C4orf50: variants seen among roughly 807,000 people sequenced by gnomAD.
C4orf50 encodes the protein uncharacterized protein C4orf50.
Under a neutral mutation model 77.2 loss-of-function variants are expected in C4orf50, and 80 were observed. That is an observed-to-expected ratio of 1.04 (90% CI 0.87 to 1.25). C4orf50 has a LOEUF of 1.25. C4orf50 is among the 50% of genes most tolerant of loss of function. The pLI is 0.00. For missense variants in C4orf50, 1,257 were observed against 1,152.9 expected (o/e 1.09, Z -1.31); for synonymous variants, 532 against 465.3 (o/e 1.14, Z -1.84).
At chr4:6,004,041 G>A (rs550169651) in intron 25 of C4orf50, among the ~76,000 whole-genome samples, 1,214 of 59,792 alleles carry the variant, frequency 0.02, 19 homozygotes, top group Admixed American at 0.09. Flanking sequence ...TAGTGATGAT[G>A]GTGATGGTGA....
downstream of C4orf50, among the ~76,000 whole-genome samples, chr4:5,952,848 T>TC (rs1718789795): frequency 6.6e-6 from 1 of 152,096 alleles, no homozygotes; most frequent in Non-Finnish European, 1.5e-5. The surrounding 1 kb of genome is among the most constrained non-coding windows in gnomAD (Gnocchi z 4.4). Context: ...CAAGAACGAC[T>TC]CGTTTTGGCA....
intron 7 of C4orf50, among the ~76,000 whole-genome samples, chr4:5,929,659 A>G (rs1178856111): frequency 2.0e-5 from 3 of 152,266 alleles, no homozygotes; most frequent in Admixed American, 2.0e-4. Flanking sequence ...TGAATGAAGG[A>G]TGCCCTGAGT....
chr4:5,961,752 T>A (rs1199820460), intron 33 of C4orf50, among the ~76,000 whole-genome samples: 4 of 152,124 alleles, frequency 2.6e-5, no homozygotes, highest in Non-Finnish European at 5.9e-5. Flanking sequence ...GGGCGAAACA[T>A]CTCCTCATTC....
downstream of C4orf50, among the ~76,000 whole-genome samples, chr4:5,955,904 G>A (rs745428012): frequency 8.5e-5 from 13 of 152,150 alleles, no homozygotes; most frequent in East Asian, 1.9e-4. This position sits in a 1 kb window ranked among gnomAD's most constrained non-coding sequence, Gnocchi z 5.1. Context: ...GGGGGCCCCA[G>A]GCACCCCCAA....
At chr4:6,016,474 A>G (rs1203298024) in intron 23 of C4orf50, among the ~76,000 whole-genome samples, 1 of 152,180 alleles carries the variant, frequency 6.6e-6, no homozygotes, top group Non-Finnish European at 1.5e-5. Flanking sequence ...GCTTAAACCC[A>G]GGAGGTGGGG....
chr4:5,965,985 C>T (rs1719541944), intron 32 of C4orf50, among the ~76,000 whole-genome samples: 3 of 152,212 alleles, frequency 2.0e-5, no homozygotes, highest in Admixed American at 1.3e-4. Context: ...CACGTTTTAT[C>T]GTGCACCTGA....
rs1721368881 is a variant in C4orf50, at chr4:5,992,864, G to A, written c.1160C>T (p.Ala387Val). ...CTCGCTTGTGGTCTCCGGGCCTGGA[G>A]CCAAAACAGAAGAGGCCCGTCCAGG... Residue 387 changes from alanine to valine, a missense_variant, in exon 27 of 34, where the codon GCT becomes GTT. Physicochemically the swap from Ala to Val is moderately conservative, Grantham distance 64 (BLOSUM62 0). Coordinates refer to ENST00000531445, the Ensembl canonical transcript of C4orf50. This position sits in a 1 kb window ranked among gnomAD's most constrained non-coding sequence, Gnocchi z 5.0. The A allele has an allele frequency of 1.0e-5, 4 of 399,122 alleles. No homozygotes were observed. In the South Asian group the frequency reaches 5.1e-4, roughly 51 times the overall value. 24.7% of individuals were successfully genotyped at this position (399,122 alleles called of 1,614,324 possible). A position where few individuals can be genotyped will look rare whatever the true frequency, so the allele number is the denominator to read the frequency against.
chr4:5,964,197 G>A (rs1005592368), intron 33 of C4orf50, among the ~76,000 whole-genome samples: 3 of 152,214 alleles, frequency 2.0e-5, no homozygotes, highest in African/African-American at 7.2e-5. Context: ...GGAGCCAGCT[G>A]AGAGGGTGAA....
At chr4:5,988,371 C>G (rs752642320) in exon 28 of C4orf50, 10 of 1,613,924 alleles carry the variant, frequency 6.2e-6, no homozygotes, top group Non-Finnish European at 8.5e-6. Context: ...TCAGGGAGCT[C>G]AGAGCTTGCC....
chr4:5,985,508 C>A (rs1032684527), intron 28 of C4orf50, among the ~76,000 whole-genome samples: 10 of 151,562 alleles, frequency 6.6e-5, no homozygotes, highest in African/African-American at 1.9e-4. Context: ...TTACTAGATA[C>A]ATTTTTGAAA....
intron 7 of C4orf50, among the ~76,000 whole-genome samples, chr4:5,948,501 C>G (rs980636146): frequency 5.9e-5 from 9 of 151,928 alleles, no homozygotes; most frequent in Admixed American, 2.6e-4. Flanking sequence ...CCCGCTTCTA[C>G]TAAAAATACA....
intron 7 of C4orf50, among the ~76,000 whole-genome samples, chr4:5,924,621 G>A (rs971894781): frequency 6.6e-6 from 1 of 152,196 alleles, no homozygotes; most frequent in African/African-American, 2.4e-5. Flanking sequence ...GGCGGGCCTG[G>A]AGCAGCAGCC....
intron 28 of C4orf50, among the ~76,000 whole-genome samples, chr4:5,982,650 C>T (rs1397812338): frequency 2.6e-5 from 4 of 152,228 alleles, no homozygotes; most frequent in Non-Finnish European, 4.4e-5. Context: ...GTTTCCATGG[C>T]GTGAATATTC....
intron 28 of C4orf50, among the ~76,000 whole-genome samples, chr4:5,986,626 C>T (rs1450658464): frequency 6.6e-6 from 1 of 151,398 alleles, no homozygotes; most frequent in Non-Finnish European, 1.5e-5. Context: ...GCAACCTCCG[C>T]CTCCCAGGTT....
At chr4:5,921,192 G>A (rs1717253556) in intron 7 of C4orf50, among the ~76,000 whole-genome samples, 1 of 152,218 alleles carries the variant, frequency 6.6e-6, no homozygotes, top group Non-Finnish European at 1.5e-5. Context: ...GTGTCCGGCG[G>A]GGATGTGCGG....
chr4:5,916,555 G>A lies in C4orf50; in HGVS notation c.*2475-18367C>T, dbSNP rs748497179. ...CACCCAAGGGCAAAGCTATTACTCT[G>A]CAAGTTTCTAAAAGCTGCCTGTCTT... On this transcript the variant is annotated intron_variant, in intron 7 of 7. Coordinates refer to the C4orf50 transcript ENST00000324058. The surrounding 1 kb of genome is among the most constrained non-coding windows in gnomAD (Gnocchi z 4.4). Among the ~76,000 whole-genome samples, 3 of 152,202 alleles carry A rather than the reference G, an allele frequency of 2.0e-5. No individual in the cohort carries two copies. Among genetic ancestry groups the A allele is most frequent in the Non-Finnish European group, 1.5e-5 (1 of 68,044 alleles).
chr4:5,919,073 G>A lies in C4orf50; in HGVS notation c.*2475-20885C>T, dbSNP rs1229994110. ...AAGAGAACTTGCTGCTATGGCTCCTGGTTGGGACAGACGTGGCTCCCTCTT... is the reference window on the plus strand; with the variant it reads ...AAGAGAACTTGCTGCTATGGCTCCTAGTTGGGACAGACGTGGCTCCCTCTT... On this transcript the variant is annotated intron_variant, in intron 7 of 7. Transcript: ENST00000324058. This position sits in a 1 kb window ranked among gnomAD's most constrained non-coding sequence, Gnocchi z 6.5. Among the ~76,000 whole-genome samples the A allele has an allele frequency of 1.3e-5, 2 of 152,204 alleles. No individual in the cohort carries two copies. The highest frequency in any genetic ancestry group is 2.9e-5 in the Non-Finnish European group (2 of 68,032).
At chr4:5,913,944 T>C (rs1465649944) in intron 7 of C4orf50, among the ~76,000 whole-genome samples, 1 of 152,200 alleles carries the variant, frequency 6.6e-6, no homozygotes. Flanking sequence ...CAAAGATTTA[T>C]AGACAATGAT....
At chr4:5,943,531 C>T (rs1718352290) in intron 7 of C4orf50, among the ~76,000 whole-genome samples, 2 of 152,210 alleles carry the variant, frequency 1.3e-5, no homozygotes, top group Non-Finnish European at 2.9e-5. Context: ...GGAAGATTCC[C>T]AGACCTCACT....
Sources: gnomAD v4.1 joint callset for allele counts (sites outside exome capture counted in the v4.1 genomes callset) on GRCh38, gnomAD v4.1.1 for gene constraint, Gnocchi (gnomAD v3.1) non-coding constraint, MANE v1.5 for transcripts, NCBI Gene and HGNC (gene_info 2026-07-23, HGNC 2026-07-21) for gene names.